Variants in KCNK2 observed in about 807,000 individuals in gnomAD.
KCNK2 encodes potassium channel subfamily K member 2.
Under a neutral mutation model 40.5 loss-of-function variants are expected in KCNK2, and 21 were observed. The ratio of observed to expected loss-of-function variants is 0.52; its 90% CI spans 0.37 to 0.75. KCNK2 has a LOEUF of 0.75. Among genes scored for constraint, KCNK2 ranks in the 30% least tolerant of loss-of-function variants. The pLI, the probability that KCNK2 is intolerant of heterozygous loss-of-function variation, is 0.00. For synonymous variants in KCNK2, 191 were observed against 202.2 expected, an observed-to-expected ratio of 0.94 and a Z score of 0.47; for missense variants, 399 against 531.6, an observed-to-expected ratio of 0.75 and a Z score of 2.45.
intron 3 of KCNK2, among the ~76,000 whole-genome samples, chr1:215,125,760 ATATATATATATATAT>A (rs1661398351): frequency 2.1e-4 from 2 of 9,578 alleles, no homozygotes; most frequent in Admixed American, 1.5e-3. Flanking sequence ...ATATATATAT[ATATATATATATATAT>A]ATAAAATAAA....
At chr1:215,109,980 A>C (rs1044200146) in intron 2 of KCNK2, among the ~76,000 whole-genome samples, 1 of 152,028 alleles carries the variant, frequency 6.6e-6, no homozygotes, top group Non-Finnish European at 1.5e-5. Context: ...AGTGATGTTG[A>C]GCATTTTTTG....
chr1:215,126,871 C>A (rs1036825481), intron 3 of KCNK2, among the ~76,000 whole-genome samples: 1 of 152,078 alleles, frequency 6.6e-6, no homozygotes, highest in African/African-American at 2.4e-5. Context: ...CACATGAGGA[C>A]TTTTTACTGC....
At chr1:215,089,007 A>G (rs1659578314) in intron 2 of KCNK2, among the ~76,000 whole-genome samples, 1 of 152,250 alleles carries the variant, frequency 6.6e-6, no homozygotes. Flanking sequence ...TATTTTGATA[A>G]AAGAAATCAT....
chr1:215,235,488 A>T lies in KCNK2; in HGVS notation c.*343A>T, dbSNP rs942738396. ...TCTGGTAACAATGTAGCTTTGAGGG[A>T]TCAGTTCTTAACTTTTCAGGGTCTA... On this transcript the variant is annotated 3_prime_UTR_variant, in exon 7 of 7. Coordinates refer to ENST00000444842, the MANE Select transcript of KCNK2 (RefSeq NM_001017425.3). 28 of 206,568 alleles carry T rather than the reference A, an allele frequency of 1.4e-4. No individual in the cohort carries two copies. The highest frequency in any genetic ancestry group is 6.4e-4 in the African/African-American group (28 of 43,772). 12.8% of individuals were successfully genotyped at this position (206,568 alleles called of 1,614,324 possible).
chr1:215,199,885 G>A (rs971114730), intron 6 of KCNK2, among the ~76,000 whole-genome samples: 1 of 152,084 alleles, frequency 6.6e-6, no homozygotes, highest in Non-Finnish European at 1.5e-5. Context: ...GGTTCCTACT[G>A]TTTACATTTC....
intron 1 of KCNK2, among the ~76,000 whole-genome samples, chr1:215,013,453 T>A (rs780089753): frequency 1.3e-5 from 2 of 152,208 alleles, no homozygotes; most frequent in African/African-American, 4.8e-5. Flanking sequence ...TAGAATCAGC[T>A]TGACAGTATT....
intron 1 of KCNK2, among the ~76,000 whole-genome samples, chr1:215,044,835 A>C (rs890389291): frequency 1.8e-5 from 2 of 110,992 alleles, no homozygotes; most frequent in Admixed American, 9.7e-5. Flanking sequence ...GTGCGCGCGC[A>C]CACGTGTGTT....
At chr1:215,119,418 A>G (rs1033783076) in intron 2 of KCNK2, among the ~76,000 whole-genome samples, 3 of 152,192 alleles carry the variant, frequency 2.0e-5, no homozygotes, top group Admixed American at 6.5e-5. Context: ...ATGGAAATCA[A>G]GATGTTCCAT....
chr1:215,235,327 G>A lies in KCNK2; in HGVS notation c.*182G>A, dbSNP rs556264755. On this transcript the variant is annotated 3_prime_UTR_variant, in exon 7 of 7. Transcript: ENST00000444842. ...AATTCTGAGCCAGCACTTTCTTTCT[G>A]ATGATGCTTGTTGAACGGTCCACTT... 1.6e-4 allele frequency: 88 copies of A among 551,090 alleles called. 1 individual carries two copies. In the Admixed American group the frequency reaches 2.8e-3, roughly 17 times the overall value. 34.1% of individuals were successfully genotyped at this position (551,090 alleles called of 1,614,324 possible).
intron 1 of KCNK2, among the ~76,000 whole-genome samples, chr1:215,016,717 CACAGGCAAATGAAAGCAAAA>C (rs1656601481): frequency 6.6e-6 from 1 of 152,046 alleles, no homozygotes; most frequent in Non-Finnish European, 1.5e-5. Flanking sequence ...AACCCCAAAG[CACAGGCAAATGAAAGCAAAA>C]ACAGACAAAT....
chr1:215,171,930 C>G, intron 4 of KCNK2, 67 bp from the exon 5 acceptor site: 4 of 1,068,004 alleles, frequency 3.7e-6, no homozygotes, highest in Non-Finnish European at 5.3e-6. Context: ...GTCTCTCTCT[C>G]TCTCTCTCTC....
chr1:215,105,879 G>C (rs190412367), intron 2 of KCNK2, among the ~76,000 whole-genome samples: 6 of 152,030 alleles, frequency 3.9e-5, no homozygotes, highest in Admixed American at 3.3e-4. Context: ...GTTTACTGAG[G>C]ATAGTGAGTA....
chr1:215,231,764 A>G (rs1666677435), intron 6 of KCNK2, among the ~76,000 whole-genome samples: 1 of 152,200 alleles, frequency 6.6e-6, no homozygotes. Flanking sequence ...ATTTATAAAG[A>G]AAGAGATTTA....
chr1:215,096,326 T>A (rs538859957), intron 2 of KCNK2, among the ~76,000 whole-genome samples: 1 of 151,890 alleles, frequency 6.6e-6, no homozygotes, highest in Admixed American at 6.6e-5. Flanking sequence ...TTTAGTAACA[T>A]TTTTTTCCTA....
chr1:215,190,592 G>A (rs1280809192), intron 5 of KCNK2, among the ~76,000 whole-genome samples: 1 of 152,142 alleles, frequency 6.6e-6, no homozygotes, highest in African/African-American at 2.4e-5. Context: ...TTTAAAGTGG[G>A]ATACTTACTG....
chr1:215,101,182 T>C (rs1660198266), intron 2 of KCNK2, among the ~76,000 whole-genome samples: 1 of 151,986 alleles, frequency 6.6e-6, no homozygotes, highest in Non-Finnish European at 1.5e-5. Context: ...AGAGTTTTGT[T>C]CTCATGGAAC....
At chr1:215,099,981 A>G (rs1660140337) in intron 2 of KCNK2, among the ~76,000 whole-genome samples, 1 of 152,018 alleles carries the variant, frequency 6.6e-6, no homozygotes, top group Admixed American at 6.6e-5. Flanking sequence ...TGACAGATAC[A>G]ATAAAATTAA....
intron 6 of KCNK2, among the ~76,000 whole-genome samples, chr1:215,213,835 A>ATAAATGAAAAGCAAC (rs1665843079): frequency 1.3e-5 from 2 of 152,188 alleles, no homozygotes; most frequent in African/African-American, 4.8e-5. Flanking sequence ...TGTAGAGTCT[A>ATAAATGAAAAGCAAC]TAAATGAAAA....
intron 3 of KCNK2, among the ~76,000 whole-genome samples, chr1:215,163,735 A>G (rs1346430179): frequency 1.3e-5 from 2 of 150,808 alleles, no homozygotes; most frequent in East Asian, 3.9e-4. Context: ...TGATTTGCGT[A>G]TGTTGAACCA....
Sources: allele counts gnomAD v4.1 joint callset (sites outside exome capture counted in the v4.1 genomes callset), GRCh38; gene constraint gnomAD v4.1.1; transcripts MANE v1.5; gene names NCBI Gene and HGNC (gene_info 2026-07-23, HGNC 2026-07-21).